DNER: variants seen among roughly 807,000 people sequenced by gnomAD.
The protein encoded by DNER is delta/notch like EGF repeat containing.
Under a neutral mutation model 78.2 loss-of-function variants are expected in DNER, and 33 were observed. The observed-to-expected ratio is 0.42, with a 90% confidence interval of 0.32 to 0.56. DNER has a LOEUF of 0.56. Among genes scored for constraint, DNER ranks in the 20% least tolerant of loss-of-function variants. The pLI is 0.11. For missense variants in DNER, 918 were observed against 975.3 expected (o/e 0.94, Z 0.78); for synonymous variants, 417 against 384.8 (o/e 1.08, Z -0.98).
chr2:229,672,088 G>A (rs1025772615), intron 1 of DNER, among the ~76,000 whole-genome samples: 2 of 152,144 alleles, frequency 1.3e-5, no homozygotes, highest in Non-Finnish European at 2.9e-5. Flanking sequence ...AACTCAAGAG[G>A]TTTAAGACAA....
In DNER at chr2:229,508,779, G is replaced by C. The variant is rs555388192; in HGVS notation, c.1147+4004C>G. On this transcript the variant is annotated intron_variant, in intron 6 of 12. Transcript: ENST00000341772. Reference sequence around the variant, plus strand: ...ACCTGTAGTCCCAGCTACTCGGGAGGCTGAGGCAGGAGAATGGCGTGAACC... The same window carrying C: ...ACCTGTAGTCCCAGCTACTCGGGAGCCTGAGGCAGGAGAATGGCGTGAACC... Among the ~76,000 whole-genome samples the C allele has an allele frequency of 6.1e-3, 934 of 152,264 alleles. 15 individuals are homozygous for C. The highest frequency in any genetic ancestry group is 0.022 in the African/African-American group (902 of 41,542).
chr2:229,580,427 A>G (rs1295156744), intron 4 of DNER: 1 of 152,218 alleles, frequency 6.6e-6, no homozygotes, highest in Non-Finnish European at 1.5e-5. Context: ...CACTTATGTT[A>G]TAAGTTAGAC....
chr2:229,624,315 G>T (rs902022930), intron 1 of DNER, among the ~76,000 whole-genome samples: 3 of 152,116 alleles, frequency 2.0e-5, no homozygotes, highest in African/African-American at 4.8e-5. Flanking sequence ...AAACTTAAAG[G>T]TTCCTAAATC....
chr2:229,492,362 A>G (rs975131956), intron 6 of DNER, among the ~76,000 whole-genome samples: 3 of 152,186 alleles, frequency 2.0e-5, no homozygotes, highest in African/African-American at 7.2e-5. Flanking sequence ...AAGGGGTGCA[A>G]TGTCTGGTCC....
intron 1 of DNER, among the ~76,000 whole-genome samples, chr2:229,607,778 T>A (rs1299838748): frequency 6.6e-6 from 1 of 151,998 alleles, no homozygotes; most frequent in East Asian, 1.9e-4. Context: ...ATCCCAGCAC[T>A]TTGGGGGGCC....
chr2:229,517,748 C>T (rs1050727583), intron 5 of DNER, among the ~76,000 whole-genome samples: 22 of 152,126 alleles, frequency 1.4e-4, no homozygotes, highest in Admixed American at 1.3e-3. Flanking sequence ...TTGTCACAGC[C>T]GAGGGCTTGC....
chr2:229,635,327 C>T (rs1327995830), intron 1 of DNER, among the ~76,000 whole-genome samples: 4 of 138,036 alleles, frequency 2.9e-5, no homozygotes, highest in African/African-American at 5.3e-5. Flanking sequence ...GTTCTGACCA[C>T]GGCCCTTTCT....
chr2:229,567,239 C>T (rs1697126481), intron 4 of DNER, among the ~76,000 whole-genome samples: 1 of 152,344 alleles, frequency 6.6e-6, no homozygotes, highest in Middle Eastern at 3.4e-3. Context: ...GCACAGTGTG[C>T]TGATCACAGT....
chr2:229,555,963 T>G (rs1276735829), intron 4 of DNER, among the ~76,000 whole-genome samples: 1 of 152,228 alleles, frequency 6.6e-6, no homozygotes. Context: ...TGCTTCATTC[T>G]CTAGTTTCAC....
Position 229,465,887 on chromosome 2 carries a change from C to T in DNER, c.1261+11253G>A, listed in dbSNP as rs546898802. ...AATGCTCAGCTCCCAATAGCACCCC[C>T]GTATATCAAGTCGTGTAAAACTTGT... is the stretch of plus-strand genomic sequence containing the variant. On this transcript the variant is annotated intron_variant, in intron 7 of 12. Coordinates refer to ENST00000341772, the MANE Select transcript of DNER (RefSeq NM_139072.4). 1.1e-4 allele frequency among the ~76,000 whole-genome samples: 17 copies of T among 152,124 alleles called. No homozygotes were observed. The South Asian group carries it at 2.9e-3, about 26-fold the overall frequency.
intron 8 of DNER, among the ~76,000 whole-genome samples, chr2:229,446,785 ATTCTTACATAGGGAGCCAG>A (rs1186497563): frequency 7.2e-5 from 11 of 152,242 alleles, no homozygotes; most frequent in African/African-American, 2.7e-4. Context: ...AAAGTTTTAA[ATTCTTACATAGGGAGCCAG>A]TGATATAACA....
At chr2:229,430,745 A>G (rs1693986282) in intron 8 of DNER, among the ~76,000 whole-genome samples, 1 of 151,334 alleles carries the variant, frequency 6.6e-6, no homozygotes, top group South Asian at 2.1e-4. Context: ...CCTGACTAAT[A>G]CACATGTTTT....
At chr2:229,436,956 T>C (rs1387752981) in intron 8 of DNER, among the ~76,000 whole-genome samples, 2 of 152,186 alleles carry the variant, frequency 1.3e-5, no homozygotes. Flanking sequence ...AATACTAACC[T>C]TGAATGTAAA....
intron 5 of DNER, among the ~76,000 whole-genome samples, chr2:229,532,320 C>T (rs1389369436): frequency 1.3e-5 from 2 of 152,188 alleles, no homozygotes; most frequent in African/African-American, 4.8e-5. Flanking sequence ...CCCCACCTAA[C>T]CATTCTGATA....
intron 6 of DNER, among the ~76,000 whole-genome samples, chr2:229,490,733 A>G (rs1338961148): frequency 6.6e-6 from 1 of 152,162 alleles, no homozygotes; most frequent in East Asian, 1.9e-4. Context: ...TGTGGATTGT[A>G]TCTCAATAAA....
intron 8 of DNER, among the ~76,000 whole-genome samples, chr2:229,443,971 C>T (rs1694287210): frequency 1.3e-5 from 2 of 152,180 alleles, no homozygotes; most frequent in South Asian, 4.1e-4. Context: ...AGTTTCAGCT[C>T]CCAGGTTCAA....
At chr2:229,433,360 T>A (rs1694058006) in intron 8 of DNER, among the ~76,000 whole-genome samples, 1 of 152,134 alleles carries the variant, frequency 6.6e-6, no homozygotes, top group African/African-American at 2.4e-5. Flanking sequence ...AAACATATAG[T>A]CAAATGATCT....
chr2:229,675,878 G>A (rs1699293338), intron 1 of DNER, among the ~76,000 whole-genome samples: 1 of 152,178 alleles, frequency 6.6e-6, no homozygotes, highest in African/African-American at 2.4e-5. Context: ...CACCTCCCAG[G>A]AGTGGCCAAT....
Position 229,413,321 on chromosome 2 carries a change from C to CTTTTTTTTTTTTTTTTTTTTTTTTT in DNER, c.1609+4786_1609+4787insAAAAAAAAAAAAAAAAAAAAAAAAA, listed in dbSNP as rs398061160. Among the ~76,000 whole-genome samples, 30 of 67,778 alleles carry CTTTTTTTTTTTTTTTTTTTTTTTTT rather than the reference C, an allele frequency of 4.4e-4. 1 individual carries two copies. The highest frequency in any genetic ancestry group is 6.2e-4 in the East Asian group (1 of 1,602). The allele number at this position is 67,778 out of a possible 152,430, so 44.5% of individuals were successfully genotyped here. ...TGCTTTTCTTTTTCTTTTTCTTCTT[C>CTTTTTTTTTTTTTTTTTTTTTTTTT]TTTTTTTTTTTTTTTTTTTTTGACG... On this transcript the variant is annotated intron_variant, in intron 9 of 12. Transcript: ENST00000341772.
Sources: gnomAD v4.1 joint callset for allele counts (sites outside exome capture counted in the v4.1 genomes callset) on GRCh38, gnomAD v4.1.1 for gene constraint, MANE v1.5 for transcripts, NCBI Gene and HGNC (gene_info 2026-07-23, HGNC 2026-07-21) for gene names.